RBM44: variants seen among roughly 807,000 people sequenced by gnomAD.
RBM44 encodes the protein RNA-binding protein 44.
In RBM44, 66 loss-of-function variants were observed where a neutral mutation model predicts 105.1. The ratio of observed to expected loss-of-function variants is 0.63; its 90% confidence interval spans 0.52 to 0.77. The LOEUF (loss-of-function observed/expected upper bound fraction) is 0.77. Among genes scored for constraint, RBM44 ranks in the 30% least tolerant of loss-of-function variants. The pLI is 0.00. For synonymous variants in RBM44, 365 were observed against 417.6 expected (o/e 0.87, Z 1.54); for missense variants, 1,122 against 1,207.8 (o/e 0.93, Z 1.05).
At chr2:237,823,219 C>CA (rs1461390546) in intron 8 of RBM44, among the ~76,000 whole-genome samples, 1 of 151,952 alleles carries the variant, frequency 6.6e-6, no homozygotes, top group Non-Finnish European at 1.5e-5. Context: ...TCATTATACA[C>CA]AGACTGGATT....
At chr2:237,815,423 C>T (rs952271625) in intron 2 of RBM44, among the ~76,000 whole-genome samples, 1 of 152,092 alleles carries the variant, frequency 6.6e-6, no homozygotes, top group Admixed American at 6.6e-5. Context: ...CTGCTCTTCA[C>T]ACAGTCCCTA....
chr2:237,821,641 C>A, intron 7 of RBM44, 102 bp from the exon 8 acceptor site: 1 of 827,578 alleles, frequency 1.2e-6, no homozygotes, highest in Non-Finnish European at 1.9e-6. Context: ...CATTTCAAGT[C>A]CTCTCTTTTA....
At chr2:237,819,340 A>AT (rs2061757827) in intron 4 of RBM44, among the ~76,000 whole-genome samples, 1 of 152,072 alleles carries the variant, frequency 6.6e-6, no homozygotes, top group Admixed American at 6.6e-5. Flanking sequence ...TTTAATCTTG[A>AT]TTTTAACTCA....
chr2:237,820,520 G>C (rs1266086290), intron 5 of RBM44, 169 bp downstream of exon 5: 1 of 470,996 alleles, frequency 2.1e-6, no homozygotes, highest in East Asian at 3.5e-5. Flanking sequence ...TTCATGGAGG[G>C]GCCACAGTGC....
At chr2:237,815,319 C>G (rs2061703649) in intron 2 of RBM44, among the ~76,000 whole-genome samples, 1 of 152,136 alleles carries the variant, frequency 6.6e-6, no homozygotes, top group Non-Finnish European at 1.5e-5. Flanking sequence ...ACATTCACAT[C>G]TGGGTGTTTT....
intron 1 of RBM44, among the ~76,000 whole-genome samples, chr2:237,809,850 T>G (rs1009805721): frequency 4.6e-5 from 7 of 152,184 alleles, no homozygotes; most frequent in Non-Finnish European, 1.0e-4. Flanking sequence ...GAGGATCACT[T>G]TAACCCAGGA....
Position 237,833,987 on chromosome 2 carries a change from G to A in RBM44, c.2887-10G>A, listed in dbSNP as rs535751699. ...CTGATTTTAAGAAAACTTTTTAAAT[G>A]CTTATTTAGGGTGTCAAGAAGAATT... is the stretch of plus-strand genomic sequence containing the variant. On this transcript the variant is annotated splice_polypyrimidine_tract_variant and intron_variant, in intron 13 of 15. Coordinates refer to ENST00000316997, the MANE Select transcript of RBM44 (RefSeq NM_001080504.3). The A allele has an allele frequency of 3.0e-5, 44 of 1,481,438 alleles. No homozygotes were observed. The South Asian group carries it at 6.1e-4, about 21-fold the overall frequency. 91.8% of individuals were successfully genotyped at this position (1,481,438 alleles called of 1,614,324 possible).
chr2:237,837,133 A>T (rs544527288), intron 15 of RBM44, among the ~76,000 whole-genome samples: 16 of 152,326 alleles, frequency 1.1e-4, no homozygotes, highest in South Asian at 4.1e-4. Context: ...TCAGAAAAAA[A>T]ATATATTTCT....
intron 1 of RBM44, among the ~76,000 whole-genome samples, chr2:237,805,909 G>A (rs1462319210): frequency 1.3e-5 from 2 of 152,142 alleles, no homozygotes; most frequent in African/African-American, 4.8e-5. Context: ...GAGCCTGGGA[G>A]GTCAAGGCTG....
intron 1 of RBM44, among the ~76,000 whole-genome samples, chr2:237,806,472 G>A (rs890363946): frequency 2.0e-5 from 3 of 152,182 alleles, no homozygotes; most frequent in African/African-American, 7.2e-5. Flanking sequence ...ATGACACAGT[G>A]TAGGACTGTG....
At chr2:237,838,667 T>C (rs1218690411) in intron 15 of RBM44, among the ~76,000 whole-genome samples, 1 of 152,208 alleles carries the variant, frequency 6.6e-6, no homozygotes, top group Non-Finnish European at 1.5e-5. Flanking sequence ...CCAAGCTTCA[T>C]TATATGCTAG....
intron 15 of RBM44, among the ~76,000 whole-genome samples, chr2:237,838,910 A>G (rs981610844): frequency 2.0e-5 from 3 of 152,218 alleles, no homozygotes; most frequent in Non-Finnish European, 4.4e-5. Context: ...TCAGTGCCCA[A>G]GGATTTTACT....
At chr2:237,814,435 G>C (rs1250413446) in intron 2 of RBM44, among the ~76,000 whole-genome samples, 1 of 152,082 alleles carries the variant, frequency 6.6e-6, no homozygotes. Context: ...TCTAGGGAAA[G>C]GCTACTGGAG....
Position 237,818,802 on chromosome 2 carries a change from C to T in RBM44, c.1678-99C>T. 1.1e-5 allele frequency: 8 copies of T among 711,666 alleles called. No individual in the cohort carries two copies. Among genetic ancestry groups the T allele is most frequent in the Non-Finnish European group, 1.8e-5 (8 of 437,768 alleles). The allele number at this position is 711,666 out of a possible 1,614,324, so 44.1% of individuals were successfully genotyped here. ...CAGTTCTATCCTCCTCTCCTGGCAG[C>T]TCCTCCCACAAAATCCATTAGAAAT... On this transcript the variant is annotated intron_variant, in intron 3 of 15. Transcript: ENST00000316997. The surrounding 1 kb of genome is among the most constrained non-coding windows in gnomAD (Gnocchi z 4.6).
intron 5 of RBM44, 124 bp downstream of exon 5, chr2:237,820,475 TGTTA>T: frequency 4.9e-6 from 3 of 608,814 alleles, no homozygotes; most frequent in Non-Finnish European, 8.3e-6. Context: ...TTACTGGGTT[TGTTA>T]GTTAGCCTAA....
chr2:237,807,244 G>A (rs2061608738), intron 1 of RBM44, among the ~76,000 whole-genome samples: 1 of 152,156 alleles, frequency 6.6e-6, no homozygotes. Context: ...TACCTCCCAG[G>A]TTCAAGTGAT....
At chr2:237,813,747 C>G (rs987285819) in intron 2 of RBM44, 65 bp downstream of exon 2, 6 of 1,069,392 alleles carry the variant, frequency 5.6e-6, no homozygotes, top group Non-Finnish European at 8.7e-6. Context: ...TTGTGCCAGA[C>G]AGTTTGCCCT....
chr2:237,834,139 G>A lies in RBM44; in HGVS notation c.3029G>A (p.Ser1010Asn), dbSNP rs768968276. Residue 1010 changes from serine (S) to asparagine (N), a missense_variant, in exon 14 of 16, where the codon AGC becomes AAC. By Grantham distance (46) the Ser-to-Asn change is conservative. Transcript: ENST00000316997. Reference protein sequence around the residue: ...KRLAELHPEVSRDHIINALQE... With the variant: ...KRLAELHPEVNRDHIINALQE... ...CTGGCTGAACTGCATCCAGAAGTCAGCAGGTAATAACCAAAATTATATTTT... is the reference window on the plus strand; with the variant it reads ...CTGGCTGAACTGCATCCAGAAGTCAACAGGTAATAACCAAAATTATATTTT... The A allele has an allele frequency of 6.4e-7, 1 of 1,561,106 alleles. No individual in the cohort carries two copies. The highest frequency in any genetic ancestry group is 8.7e-7 in the Non-Finnish European group (1 of 1,154,650).
At chr2:237,829,613 T>C in intron 13 of RBM44, 111 bp downstream of exon 13, 1 of 947,878 alleles carries the variant, frequency 1.1e-6, no homozygotes, top group Non-Finnish European at 1.6e-6. Context: ...AATGACAGCA[T>C]TAATCTGAAT....
Sources: gnomAD v4.1 joint callset for allele counts (sites outside exome capture counted in the v4.1 genomes callset) on GRCh38, gnomAD v4.1.1 for gene constraint, Gnocchi (gnomAD v3.1) non-coding constraint, MANE v1.5 for transcripts, NCBI Gene and HGNC (gene_info 2026-07-23, HGNC 2026-07-21) for gene names.